Variants in AGAP1 observed in about 807,000 individuals in gnomAD.
AGAP1 encodes the protein arf-GAP with GTPase, ANK repeat and PH domain-containing protein 1.
A neutral mutation model predicts 105.3 loss-of-function variants in AGAP1; 29 were observed. That is an observed-to-expected ratio of 0.28 (90% CI 0.21 to 0.38). The LOEUF (loss-of-function observed/expected upper bound fraction) is 0.38. Ranked by LOEUF, AGAP1 falls within the 10% of genes least tolerant of loss-of-function variation. The pLI, the probability that AGAP1 is intolerant of heterozygous loss-of-function variation, is 1.00. For missense variants in AGAP1, 998 were observed against 1,165.1 expected (o/e 0.86, Z 2.09); for synonymous variants, 509 against 485.9 (o/e 1.05, Z -0.63).
chr2:235,657,410 C>T (rs1357158714), intron 1 of AGAP1, among the ~76,000 whole-genome samples: 1 of 151,922 alleles, frequency 6.6e-6, no homozygotes, highest in African/African-American at 2.4e-5. Context: ...GTGGAGTTTC[C>T]CTGTTGTCTC....
intron 1 of AGAP1, among the ~76,000 whole-genome samples, chr2:235,698,618 T>A (rs1463488381): frequency 6.6e-6 from 1 of 152,198 alleles, no homozygotes; most frequent in Admixed American, 6.5e-5. Flanking sequence ...ACGTCTTATA[T>A]GAAATGTAGG....
chr2:235,787,453 A>G lies in AGAP1; in HGVS notation c.674-10306A>G, dbSNP rs13406630. ...CACGCCTCTCTTTATAGCACTTTCTATATCCCACATGCTGCCACTTATCTA... is the reference window on the plus strand; with the variant it reads ...CACGCCTCTCTTTATAGCACTTTCTGTATCCCACATGCTGCCACTTATCTA... On this transcript the variant is annotated intron_variant, in intron 6 of 17. Coordinates refer to ENST00000304032, the MANE Select transcript of AGAP1 (RefSeq NM_001037131.3). The surrounding 1 kb of genome is among the most constrained non-coding windows in gnomAD (Gnocchi z 4.4). Among the ~76,000 whole-genome samples the G allele has an allele frequency of 9.8e-3, 1,496 of 152,224 alleles. 27 individuals are homozygous for G. Among genetic ancestry groups the G allele is most frequent in the African/African-American group, 0.034 (1,429 of 41,534 alleles).
chr2:235,915,920 G>A (rs2051856918), intron 11 of AGAP1, among the ~76,000 whole-genome samples: 1 of 151,996 alleles, frequency 6.6e-6, no homozygotes, highest in Non-Finnish European at 1.5e-5. Flanking sequence ...CCAAAAATAG[G>A]AGAACAACAA....
rs1350847798 is a variant in AGAP1 at position 235,934,162 on chromosome 2, C to T, written c.1483+3239C>T. On this transcript the variant is annotated intron_variant, in intron 12 of 17. Coordinates refer to ENST00000304032, the MANE Select transcript of AGAP1 (RefSeq NM_001037131.3). The surrounding 1 kb of genome is among the most constrained non-coding windows in gnomAD (Gnocchi z 4.9). ...CTGCTTAGAAATGTTGATCTCAGGC[C>T]CTGTCTCAGTCCCACTGAATCCAGT... 1.3e-5 allele frequency among the ~76,000 whole-genome samples: 2 copies of T among 152,136 alleles called. No individual in the cohort carries two copies. Among genetic ancestry groups the T allele is most frequent in the Non-Finnish European group, 2.9e-5 (2 of 68,030 alleles).
In AGAP1 at chr2:235,879,883, G is replaced by A. The variant is rs1025459586; in HGVS notation, c.1051-3462G>A. ...GGAAAGTTCAAGGTTGCAGTGAGCT[G>A]TAATTGCATCAGTACACTGCACTCC... On this transcript the variant is annotated intron_variant, in intron 9 of 17. Transcript: ENST00000304032. This position sits in a 1 kb window ranked among gnomAD's most constrained non-coding sequence, Gnocchi z 5.0. 3.3e-5 allele frequency among the ~76,000 whole-genome samples: 5 copies of A among 152,166 alleles called. No individual in the cohort carries two copies. In the East Asian group the frequency reaches 5.8e-4, roughly 18 times the overall value.
In AGAP1 at chr2:236,040,018, G is replaced by A. The variant is rs1436293810; in HGVS notation, c.1801-733G>A. ...CTCAACACTATAGGAGGCTAAGGCA[G>A]GAGGATCACTTGAGCCCACGAGTTC... On this transcript the variant is annotated intron_variant, in intron 14 of 17. Transcript: ENST00000304032. This position sits in a 1 kb window ranked among gnomAD's most constrained non-coding sequence, Gnocchi z 5.6. Among the ~76,000 whole-genome samples the A allele has an allele frequency of 6.6e-6, 1 of 152,100 alleles. No individual in the cohort carries two copies. The highest frequency in any genetic ancestry group is 1.5e-5 in the Non-Finnish European group (1 of 68,026).
At position 235,686,663 on chromosome 2, in the gene AGAP1, A is replaced by ATTT. The variant is rs1203340603; in HGVS notation, c.164-22515_164-22514insTTT. 2.2e-4 allele frequency among the ~76,000 whole-genome samples: 13 copies of ATTT among 59,742 alleles called. 1 individual carries two copies. The highest frequency in any genetic ancestry group is 7.7e-4 in the African/African-American group (9 of 11,718). 39.2% of individuals were successfully genotyped at this position (59,742 alleles called of 152,430 possible). On this transcript the variant is annotated intron_variant, in intron 1 of 17. Coordinates refer to ENST00000304032, the MANE Select transcript of AGAP1 (RefSeq NM_001037131.3). ...TATATATAGATATATATATATATAT[A>ATTT]TATTTTTTTTTTTTTTTAGACAGAG... is the stretch of plus-strand genomic sequence containing the variant.
chr2:235,815,485 A>G (rs1053606820), intron 9 of AGAP1, among the ~76,000 whole-genome samples: 21 of 152,180 alleles, frequency 1.4e-4, no homozygotes, highest in African/African-American at 5.1e-4. Flanking sequence ...GAGGGCTTCA[A>G]CATGCAAATT....
At chr2:235,504,948 C>T (rs1257465874) in intron 1 of AGAP1, among the ~76,000 whole-genome samples, 2 of 152,176 alleles carry the variant, frequency 1.3e-5, no homozygotes, top group African/African-American at 4.8e-5. Flanking sequence ...CGAAATCCCT[C>T]ACCAGGAAGA....
chr2:235,885,419 G>A lies in AGAP1; in HGVS notation c.1155+1970G>A, dbSNP rs140944580. 9.6e-4 allele frequency among the ~76,000 whole-genome samples: 146 copies of A among 152,236 alleles called. 1 individual carries two copies. Among genetic ancestry groups the A allele is most frequent in the Middle Eastern group, 6.8e-3 (2 of 294 alleles). On this transcript the variant is annotated intron_variant, in intron 10 of 17. Coordinates refer to ENST00000304032, the MANE Select transcript of AGAP1 (RefSeq NM_001037131.3). ...ACTGTCATAAAGAACTCTAATCAAC[G>A]TTCCTCTGTTTATCTCTCTGTCCCC...
At chr2:236,049,485 T>A in intron 16 of AGAP1, 1 of 513,866 alleles carries the variant, frequency 1.9e-6, no homozygotes, top group Middle Eastern at 5.1e-4. Context: ...ATTTTTTATG[T>A]TTGTTTTTAG....
intron 10 of AGAP1, among the ~76,000 whole-genome samples, chr2:235,892,152 C>CA (rs76856873): frequency 0.062 from 8,406 of 136,308 alleles, 565 homozygotes; most frequent in African/African-American, 0.18. Flanking sequence ...ACTCCCATCT[C>CA]AAAAAAAAAA....
chr2:235,889,888 C>G lies in AGAP1; in HGVS notation c.1155+6439C>G, dbSNP rs1403489174. 6.6e-6 allele frequency among the ~76,000 whole-genome samples: 1 copy of G among 152,116 alleles called. No individual in the cohort carries two copies. The highest frequency in any genetic ancestry group is 2.4e-5 in the African/African-American group (1 of 41,402). ...AGGGGAAAAGAAGCAAAACATGGAG[C>G]CAACTCAGACTAAGAAAGCTCCATG... On this transcript the variant is annotated intron_variant, in intron 10 of 17. Transcript: ENST00000304032. The surrounding 1 kb of genome is among the most constrained non-coding windows in gnomAD (Gnocchi z 4.6).
intron 9 of AGAP1, among the ~76,000 whole-genome samples, chr2:235,823,642 T>C (rs968908348): frequency 6.6e-6 from 1 of 152,208 alleles, no homozygotes; most frequent in African/African-American, 2.4e-5. Flanking sequence ...CTTGTGCACT[T>C]CTCAAAAAAA....
intron 1 of AGAP1, among the ~76,000 whole-genome samples, chr2:235,496,816 C>T (rs188692092): frequency 9.9e-5 from 15 of 152,100 alleles, no homozygotes; most frequent in African/African-American, 2.9e-4. Flanking sequence ...AGCACGATGC[C>T]TACCTTTGCG....
intron 1 of AGAP1, among the ~76,000 whole-genome samples, chr2:235,524,761 G>A (rs894519823): frequency 1.3e-5 from 2 of 152,160 alleles, no homozygotes; most frequent in African/African-American, 4.8e-5. Context: ...TTTCTTTTAG[G>A]GAACTCATTG....
intron 1 of AGAP1, chr2:235,670,114 C>T (rs1948298420): frequency 5.5e-6 from 3 of 545,298 alleles, no homozygotes; most frequent in South Asian, 2.0e-5. Context: ...ACTTGTTGGA[C>T]GGCAGTGGCG....
intron 12 of AGAP1, among the ~76,000 whole-genome samples, chr2:235,938,405 C>T (rs2053094007): frequency 6.6e-6 from 1 of 152,208 alleles, no homozygotes; most frequent in Admixed American, 6.5e-5. Flanking sequence ...CAGCGTGTCC[C>T]CCTGCTGCGC....
intron 1 of AGAP1, among the ~76,000 whole-genome samples, chr2:235,563,701 A>G (rs1184003957): frequency 6.6e-6 from 1 of 152,032 alleles, no homozygotes; most frequent in African/African-American, 2.4e-5. Context: ...TCTTGATTCT[A>G]ATGAACTTTG....
Sources: gnomAD v4.1 joint callset for allele counts (sites outside exome capture counted in the v4.1 genomes callset) on GRCh38, gnomAD v4.1.1 for gene constraint, Gnocchi (gnomAD v3.1) non-coding constraint, MANE v1.5 for transcripts, NCBI Gene and HGNC (gene_info 2026-07-23, HGNC 2026-07-21) for gene names.